Variants in ENTREP2 observed in about 807,000 individuals in gnomAD.
ENTREP2 encodes the protein protein ENTREP2.
the ENTREP2 span, among the ~76,000 whole-genome samples, chr15:29,638,429 C>T: frequency 1.3e-5 from 2 of 152,240 alleles, no homozygotes; most frequent in African/African-American, 4.8e-5. Context: ...AGACAAAACC[C>T]TGCCAGCTGA....
At chr15:29,449,031 TG>T in the ENTREP2 span, among the ~76,000 whole-genome samples, 1 of 152,190 alleles carries the variant, frequency 6.6e-6, no homozygotes, top group Non-Finnish European at 1.5e-5. Flanking sequence ...ACACTGTTAC[TG>T]CATCTACATG....
At chr15:29,455,513 A>G in the ENTREP2 span, among the ~76,000 whole-genome samples, 1 of 152,216 alleles carries the variant, frequency 6.6e-6, no homozygotes, top group Non-Finnish European at 1.5e-5. Flanking sequence ...TTATGCTTTT[A>G]CTTTTTAATC....
the ENTREP2 span, among the ~76,000 whole-genome samples, chr15:29,308,193 C>A: frequency 6.6e-6 from 1 of 151,952 alleles, no homozygotes; most frequent in Non-Finnish European, 1.5e-5. Context: ...CTGGCCAACA[C>A]AGTGAAACCC....
chr15:29,596,192 T>C, the ENTREP2 span, among the ~76,000 whole-genome samples: 72,961 of 152,056 alleles, frequency 0.48, 17,943 homozygotes, highest in Non-Finnish European at 0.54. Flanking sequence ...TAACTGTCTG[T>C]ATCTATAATT....
the ENTREP2 span, among the ~76,000 whole-genome samples, chr15:29,208,599 G>A: frequency 6.6e-6 from 1 of 152,222 alleles, no homozygotes; most frequent in East Asian, 1.9e-4. Context: ...TGGTGGGAGT[G>A]AAAATTAATA....
At chr15:29,251,845 A>C in the ENTREP2 span, among the ~76,000 whole-genome samples, 2 of 151,490 alleles carry the variant, frequency 1.3e-5, no homozygotes, top group African/African-American at 4.8e-5. Flanking sequence ...CAAGGAAGCC[A>C]AAAGATTGAA....
the ENTREP2 span, among the ~76,000 whole-genome samples, chr15:29,358,347 A>T: frequency 6.6e-6 from 1 of 152,236 alleles, no homozygotes; most frequent in African/African-American, 2.4e-5. Flanking sequence ...ATAAAGTGCA[A>T]TTCCATTTAC....
the ENTREP2 span, among the ~76,000 whole-genome samples, chr15:29,654,840 GC>G: frequency 1.3e-5 from 2 of 152,316 alleles, no homozygotes; most frequent in South Asian, 4.1e-4. Flanking sequence ...TCCTGTTGCA[GC>G]TGGATCAATG....
At chr15:29,401,668 G>A in the ENTREP2 span, among the ~76,000 whole-genome samples, 1 of 152,114 alleles carries the variant, frequency 6.6e-6, no homozygotes. Flanking sequence ...TTAACCTGTG[G>A]ATATACTAAC....
At chr15:29,394,881 T>A in the ENTREP2 span, among the ~76,000 whole-genome samples, 69 of 7,736 alleles carry the variant, frequency 8.9e-3, 2 homozygotes, top group African/African-American at 0.022. Flanking sequence ...TGTCAGAATC[T>A]CTTTTTTTTT....
chr15:29,269,858 GGCGGCTGGGCGGT>G, the ENTREP2 span: 1 of 733,818 alleles, frequency 1.4e-6, no homozygotes, highest in South Asian at 2.7e-5. Context: ...CTTGCGTCAG[GGCGGCTGGGCGGT>G]GCGCCTGCGC....
At chr15:29,612,589 T>A in the ENTREP2 span, 1 of 153,768 alleles carries the variant, frequency 6.5e-6, no homozygotes, top group Non-Finnish European at 1.5e-5. Flanking sequence ...ATTGTGCACA[T>A]CCAGACAGGA....
At chr15:29,183,757 A>T in the ENTREP2 span, among the ~76,000 whole-genome samples, 2 of 152,184 alleles carry the variant, frequency 1.3e-5, no homozygotes, top group Non-Finnish European at 2.9e-5. Context: ...AAATTCCCTG[A>T]TGCCTCAGGA....
chr15:29,123,458 G>A, the ENTREP2 span: 1 of 1,551,686 alleles, frequency 6.4e-7, no homozygotes, highest in Non-Finnish European at 8.7e-7. Context: ...AGGGCACAGT[G>A]TGAGTGTTCC....
At chr15:29,637,001 A>AC in the ENTREP2 span, among the ~76,000 whole-genome samples, 1 of 148,968 alleles carries the variant, frequency 6.7e-6, no homozygotes, top group Non-Finnish European at 1.5e-5. Flanking sequence ...CATGGTTTAA[A>AC]CATAAAGTTT....
At chr15:29,611,511 CACGTGCACCCTTA>C in the ENTREP2 span, among the ~76,000 whole-genome samples, 1 of 152,114 alleles carries the variant, frequency 6.6e-6, no homozygotes, top group Non-Finnish European at 1.5e-5. Context: ...CAAGACCCTC[CACGTGCACCCTTA>C]ACTTATGTCT....
the ENTREP2 span, among the ~76,000 whole-genome samples, chr15:29,380,043 A>G: frequency 6.6e-6 from 1 of 150,486 alleles, no homozygotes; most frequent in Non-Finnish European, 1.5e-5. Flanking sequence ...GCCAGCTTCA[A>G]AATAATCCAG....
the ENTREP2 span, among the ~76,000 whole-genome samples, chr15:29,464,552 G>C: frequency 6.6e-6 from 1 of 152,208 alleles, no homozygotes; most frequent in South Asian, 2.1e-4. Flanking sequence ...CAGAAGGCTC[G>C]TGAGTACTTC....
At chr15:29,326,095 T>C in the ENTREP2 span, among the ~76,000 whole-genome samples, 2 of 152,102 alleles carry the variant, frequency 1.3e-5, no homozygotes, top group African/African-American at 2.4e-5. Flanking sequence ...CTCAACTTGA[T>C]AAAAAGTGTT....
Sources: gnomAD v4.1 joint callset for allele counts (sites outside exome capture counted in the v4.1 genomes callset) on GRCh38, gnomAD v4.1.1 for gene constraint, MANE v1.5 for transcripts, NCBI Gene and HGNC (gene_info 2026-07-23, HGNC 2026-07-21) for gene names.